PFKL: variants seen among roughly 807,000 people sequenced by gnomAD.
PFKL encodes phosphofructokinase, liver type, also known as ATP-dependent 6-phosphofructokinase, liver type.
In PFKL, 74 loss-of-function variants were observed where a neutral mutation model predicts 92.1. The observed-to-expected ratio is 0.80, with a 90% CI of 0.67 to 0.97. The LOEUF is 0.97. PFKL is among the 50% of genes least tolerant of loss of function. The pLI is 0.00. For synonymous variants in PFKL, 494 were observed against 456.4 expected (o/e 1.08, Z -1.05); for missense variants, 1,028 against 1,116.6 (o/e 0.92, Z 1.13).
chr21:44,321,831 G>C lies in PFKL; in HGVS notation c.1294G>C (p.Val432Leu). The C allele has an allele frequency of 6.3e-7, 1 of 1,589,348 alleles. No individual in the cohort carries two copies. Among genetic ancestry groups the C allele is most frequent in the Non-Finnish European group, 8.6e-7 (1 of 1,166,694 alleles). ...VRTGISHGHTVYVVHDGFEGL... is the reference protein window; with the variant it reads ...VRTGISHGHTLYVVHDGFEGL... ...GACCGGCATCTCCCATGGACACACA[G>C]TATACGTGGTGCACGATGGCTTCGA... The change falls in exon 13 of 22, where the codon GTA (valine) becomes CTA (leucine). Residue 432 changes from valine (V) to leucine (L), a missense_variant. Transcript: ENST00000349048.
In PFKL at chr21:44,310,342, G is replaced by A. The variant is rs370110789; in HGVS notation, c.160-664G>A. 1.4e-4 allele frequency among the ~76,000 whole-genome samples: 22 copies of A among 152,342 alleles called. No individual in the cohort carries two copies. The East Asian group carries it at 3.9e-3, about 27-fold the overall frequency. On this transcript the variant is annotated intron_variant, in intron 2 of 21. Coordinates refer to ENST00000349048, the MANE Select transcript of PFKL (RefSeq NM_002626.6). ...GGATGGAAGGCCCAGTGTGGCCGGC[G>A]TGGCGGGACGCGGAGCCTGGAGCCC...
chr21:44,325,935 G>A lies in PFKL; in HGVS notation c.1990-26G>A, dbSNP rs375804472. The A allele has an allele frequency of 7.9e-5, 125 of 1,591,918 alleles. No individual in the cohort carries two copies. In the Middle Eastern group the frequency reaches 1.8e-3, roughly 23 times the overall value. ...GGCCCAGGCAGCCCAGGGGAGTCCA[G>A]GGAACCGGGCCTCACCTGTTTCCAG... On this transcript the variant is annotated intron_variant, in intron 19 of 21. Transcript: ENST00000349048.
chr21:44,315,790 C>A (rs749122251), intron 7 of PFKL: 4 of 212,062 alleles, frequency 1.9e-5, no homozygotes. Context: ...ATGCGGGGCC[C>A]CTGGTTATAA....
intron 3 of PFKL, 98 bp from the exon 4 acceptor site, chr21:44,312,007 C>T (rs1288092717): frequency 2.9e-6 from 3 of 1,018,794 alleles, no homozygotes; most frequent in African/African-American, 1.7e-5. Flanking sequence ...CAGGGTCTGC[C>T]AGCCCCTTGC....
rs375582176 is a variant in PFKL, at chr21:44,319,429, G to C, written c.1127+14G>C. 100 of 1,608,632 alleles carry C rather than the reference G, an allele frequency of 6.2e-5. No homozygotes were observed. The highest frequency in any genetic ancestry group is 1.6e-4 in the Middle Eastern group (1 of 6,072). On this transcript the variant is annotated intron_variant, in intron 11 of 21. Coordinates refer to ENST00000349048, the MANE Select transcript of PFKL (RefSeq NM_002626.6). The stretch of plus-strand genomic sequence containing the variant: ...GCTCCGTGGTGGGTAAGCCCCCTCA[G>C]CAGACCCCTGCACTCTTACATGGCT...
chr21:44,324,811 C>T, intron 17 of PFKL, 45 bp from the exon 18 acceptor site: 1 of 1,595,104 alleles, frequency 6.3e-7, no homozygotes, highest in Non-Finnish European at 8.6e-7. Flanking sequence ...CCTGGAATTC[C>T]CTCCCCACAG....
intron 9 of PFKL, among the ~76,000 whole-genome samples, chr21:44,317,804 G>A (rs1568960388): frequency 6.6e-6 from 1 of 152,234 alleles, no homozygotes; most frequent in African/African-American, 2.4e-5. Context: ...ACAGCGTCCT[G>A]GAGAGACTGC....
At chr21:44,303,477 A>T (rs1198436442) in intron 1 of PFKL, among the ~76,000 whole-genome samples, 2 of 145,120 alleles carry the variant, frequency 1.4e-5, no homozygotes, top group African/African-American at 2.5e-5. Flanking sequence ...GCCTATGCCT[A>T]CCTTCATCTC....
chr21:44,324,456 A>G, intron 16 of PFKL, 35 bp from the exon 17 acceptor site: 3 of 1,608,470 alleles, frequency 1.9e-6, no homozygotes, highest in Middle Eastern at 3.3e-4. Flanking sequence ...AAGGGTGGGC[A>G]CGTGGAGGAC....
intron 7 of PFKL, 101 bp from the exon 8 acceptor site, chr21:44,316,143 T>G: frequency 9.7e-7 from 1 of 1,034,494 alleles, no homozygotes; most frequent in Non-Finnish European, 1.5e-6. Flanking sequence ...CCCATGTGGG[T>G]TGGGAATGGT....
chr21:44,308,242 G>C lies in PFKL; in HGVS notation c.159+1488G>C, dbSNP rs182322149. Among the ~76,000 whole-genome samples, 15 of 152,322 alleles carry C rather than the reference G, an allele frequency of 9.8e-5. No individual in the cohort carries two copies. The East Asian group carries it at 2.9e-3, about 29-fold the overall frequency. On this transcript the variant is annotated intron_variant, in intron 2 of 21. Transcript: ENST00000349048. ...GGAGGAGCCTTAGTCTTGGGATGCT[G>C]TGTGCTGCTTTCCTCTCAAAGGGAG...
chr21:44,314,080 C>G (rs1249242949), intron 7 of PFKL, 59 bp downstream of exon 7: 11 of 1,262,268 alleles, frequency 8.7e-6, no homozygotes, highest in South Asian at 1.3e-5. Flanking sequence ...GGTAGCGCCC[C>G]TGGGGTTTTG....
At position 44,320,165 on chromosome 21, in the gene PFKL, G is replaced by A. The variant is rs781055444; in HGVS notation, c.1191+18G>A. On this transcript the variant is annotated intron_variant, in intron 12 of 21. Transcript: ENST00000349048. Reference sequence around the variant, plus strand: ...AGGAGAAGGTGAGGCAGGGAGCGGCGCCCACAGAGGGAGGAACGGGCTCAG... The same window carrying A: ...AGGAGAAGGTGAGGCAGGGAGCGGCACCCACAGAGGGAGGAACGGGCTCAG... 5.4e-5 allele frequency: 87 copies of A among 1,608,052 alleles called. No homozygotes were observed. In the East Asian group the frequency reaches 1.4e-3, roughly 26 times the overall value.
Position 44,313,032 on chromosome 21 carries a change from T to C in PFKL, c.482T>C (p.Leu161Pro). 3 of 1,613,152 alleles carry C rather than the reference T, an allele frequency of 1.9e-6. No individual in the cohort carries two copies. Among genetic ancestry groups the C allele is most frequent in the Non-Finnish European group, 2.5e-6 (3 of 1,179,924 alleles). The change falls in exon 5 of 22, where the codon CTA becomes CCA. Residue 161 changes from leucine (L) to proline (P), a missense_variant. Coordinates refer to ENST00000349048, the MANE Select transcript of PFKL (RefSeq NM_002626.6). ...TACTCGCACCTGAACATCGCGGGCC[T>C]AGTGGGCTCCATCGATAACGACTTC... Reference protein sequence around the residue: ...RTYSHLNIAGLVGSIDNDFCG... With the variant: ...RTYSHLNIAGPVGSIDNDFCG...
At chr21:44,323,352 A>G (rs2146018707) in intron 15 of PFKL, among the ~76,000 whole-genome samples, 1 of 152,264 alleles carries the variant, frequency 6.6e-6, no homozygotes. Context: ...CAGGGGAGGA[A>G]GGGGACTCGG....
rs1287830339 is a variant in PFKL, at chr21:44,324,933, G to T, written c.1877+16G>T. 3 of 1,594,788 alleles carry T rather than the reference G, an allele frequency of 1.9e-6. No homozygotes were observed. In the African/African-American group the frequency reaches 4.0e-5, roughly 21 times the overall value. ...TGGTGCTGCGGTGAGGCTGCCGTGG[G>T]TCCCTGGCCACAGCTGCGCGTCCAA... On this transcript the variant is annotated intron_variant, in intron 18 of 21. Transcript: ENST00000349048.
chr21:44,325,900 C>A, intron 19 of PFKL, 61 bp from the exon 20 acceptor site: 1 of 1,265,982 alleles, frequency 7.9e-7, no homozygotes, highest in South Asian at 1.3e-5. Flanking sequence ...TCTGCACTGG[C>A]GTTGGCCTTG....
chr21:44,306,708 C>T lies in PFKL; in HGVS notation c.113C>T (p.Thr38Met), dbSNP rs760202070. The change falls in exon 2 of 22, where the codon ACG becomes ATG. Residue 38 changes from threonine (T) to methionine (M), a missense_variant. Coordinates refer to ENST00000349048, the MANE Select transcript of PFKL (RefSeq NM_002626.6). Reference protein sequence around the residue: ...QGMNAAVRAVTRMGIYVGAKV... With the variant: ...QGMNAAVRAVMRMGIYVGAKV... The stretch of plus-strand genomic sequence containing the variant: ...ATGAACGCTGCTGTCCGGGCTGTGA[C>T]GCGCATGGGCATTTATGTGGGTGCC... 14 of 1,613,744 alleles carry T rather than the reference C, an allele frequency of 8.7e-6. No individual in the cohort carries two copies. Among genetic ancestry groups the T allele is most frequent in the Middle Eastern group, 1.6e-4 (1 of 6,076 alleles).
chr21:44,323,720 C>T (rs1448871092), intron 15 of PFKL, 46 bp from the exon 16 acceptor site: 1 of 1,573,910 alleles, frequency 6.4e-7, no homozygotes, highest in Non-Finnish European at 8.6e-7. Context: ...CCGGCCCACC[C>T]TGGCCTCGGT....
Sources: allele counts gnomAD v4.1 joint callset (sites outside exome capture counted in the v4.1 genomes callset), GRCh38; gene constraint gnomAD v4.1.1; transcripts MANE v1.5; gene names NCBI Gene and HGNC (gene_info 2026-07-23, HGNC 2026-07-21).